The following AGMO variants were observed in gnomAD, a reference collection of about 807,000 sequenced individuals.
AGMO encodes the protein alkylglycerol monooxygenase.
In AGMO, 75 loss-of-function variants were observed where a neutral mutation model predicts 60.2. That is an observed-to-expected ratio of 1.25 (90% CI 1.03 to 1.51). AGMO has a LOEUF of 1.51. Ranked by LOEUF, AGMO falls within the 40% of genes most tolerant of loss-of-function variation. The pLI, the probability that AGMO is intolerant of heterozygous loss-of-function variation, is 0.00. For synonymous variants in AGMO, 261 were observed against 177.1 expected (o/e 1.47, Z -3.76); for missense variants, 763 against 525.5 (o/e 1.45, Z -4.42).
intron 12 of AGMO, among the ~76,000 whole-genome samples, chr7:15,224,065 A>G (rs1441757446): frequency 1.3e-5 from 2 of 152,090 alleles, no homozygotes; most frequent in African/African-American, 4.8e-5. Context: ...GGTAAAAAGA[A>G]TAAAGAGAGA....
chr7:15,183,553 A>G, the AGMO span, among the ~76,000 whole-genome samples: 20 of 152,166 alleles, frequency 1.3e-4, no homozygotes, highest in Non-Finnish European at 2.9e-5. Context: ...CAGTAATCTA[A>G]GATTCTAGAG....
intron 12 of AGMO, among the ~76,000 whole-genome samples, chr7:15,276,949 G>A (rs1783814287): frequency 6.8e-6 from 1 of 146,264 alleles, no homozygotes; most frequent in Non-Finnish European, 1.5e-5. Flanking sequence ...TGCCTTTCTG[G>A]TTTCTTTGTG....
chr7:15,179,432 G>C, the AGMO span, among the ~76,000 whole-genome samples: 1 of 152,130 alleles, frequency 6.6e-6, no homozygotes, highest in Non-Finnish European at 1.5e-5. Flanking sequence ...AGCTATGCAA[G>C]AAGAAAGGGA....
At chr7:15,254,312 A>G (rs944446908) in intron 12 of AGMO, among the ~76,000 whole-genome samples, 8 of 152,162 alleles carry the variant, frequency 5.3e-5, no homozygotes, top group Non-Finnish European at 1.2e-4. Context: ...GAACTTCTAT[A>G]CATTTTTTCA....
intron 12 of AGMO, among the ~76,000 whole-genome samples, chr7:15,345,903 G>T (rs753200433): frequency 6.6e-6 from 1 of 151,994 alleles, no homozygotes; most frequent in Non-Finnish European, 1.5e-5. Context: ...GAGTATGTGA[G>T]TAATGGCTGG....
chr7:15,423,702 T>C (rs909943377), intron 4 of AGMO, among the ~76,000 whole-genome samples: 11 of 88,540 alleles, frequency 1.2e-4, no homozygotes, highest in Admixed American at 1.1e-3. Context: ...GAGATAGACA[T>C]GCACACAGCG....
chr7:15,141,124 A>C, the AGMO span, among the ~76,000 whole-genome samples: 1 of 152,154 alleles, frequency 6.6e-6, no homozygotes, highest in Non-Finnish European at 1.5e-5. Flanking sequence ...TAGTCCAGTC[A>C]CCTGATCCTA....
At chr7:15,270,057 T>C (rs1023182337) in intron 12 of AGMO, among the ~76,000 whole-genome samples, 1 of 152,104 alleles carries the variant, frequency 6.6e-6, no homozygotes, top group Non-Finnish European at 1.5e-5. Flanking sequence ...GTGTAACTAA[T>C]GCCGCAAAAA....
chr7:15,238,916 C>T (rs1157667583), intron 12 of AGMO, among the ~76,000 whole-genome samples: 8 of 152,086 alleles, frequency 5.3e-5, no homozygotes, highest in African/African-American at 9.7e-5. Context: ...CAGGCGCAGG[C>T]GCTATTTAAA....
chr7:15,445,222 T>C (rs1305529517), intron 3 of AGMO, among the ~76,000 whole-genome samples: 1 of 152,172 alleles, frequency 6.6e-6, no homozygotes, highest in African/African-American at 2.4e-5. Flanking sequence ...TAACAAGGAA[T>C]AACATCAGTA....
chr7:15,260,482 T>C (rs998894863), intron 12 of AGMO, among the ~76,000 whole-genome samples: 5 of 152,028 alleles, frequency 3.3e-5, no homozygotes, highest in Non-Finnish European at 7.4e-5. Context: ...TCTAAATATA[T>C]ATGCACTTAA....
the AGMO span, among the ~76,000 whole-genome samples, chr7:15,170,526 T>G: frequency 6.6e-6 from 1 of 152,176 alleles, no homozygotes; most frequent in African/African-American, 2.4e-5. Context: ...ATATGCACTT[T>G]CCACTAACCA....
intron 12 of AGMO, among the ~76,000 whole-genome samples, chr7:15,274,968 AT>A (rs915283363): frequency 1.1e-4 from 17 of 150,198 alleles, no homozygotes; most frequent in East Asian, 2.0e-4. Context: ...TGGCCTATCG[AT>A]TTTTTTTTAT....
the AGMO span, among the ~76,000 whole-genome samples, chr7:15,192,954 ATAAT>A: frequency 1.6e-4 from 24 of 152,218 alleles, no homozygotes; most frequent in African/African-American, 5.1e-4. Flanking sequence ...CATAAACAGA[ATAAT>A]TATTCTTAAT....
chr7:15,203,140 C>A (rs891112354), intron 12 of AGMO, among the ~76,000 whole-genome samples: 4 of 152,046 alleles, frequency 2.6e-5, no homozygotes, highest in African/African-American at 9.7e-5. Flanking sequence ...TTCAGTGAAA[C>A]CTCATAAGTT....
chr7:15,346,023 C>G (rs553266406), intron 12 of AGMO, among the ~76,000 whole-genome samples: 108 of 152,104 alleles, frequency 7.1e-4, no homozygotes, highest in African/African-American at 2.5e-3. Flanking sequence ...GAACATTTTC[C>G]TTTTAAAGCA....
the AGMO span, among the ~76,000 whole-genome samples, chr7:15,144,818 TTTTG>T: frequency 8.5e-5 from 13 of 152,122 alleles, no homozygotes; most frequent in African/African-American, 1.4e-4. Context: ...TAACTTTTCT[TTTTG>T]TTTGTTTGTT....
intron 12 of AGMO, among the ~76,000 whole-genome samples, chr7:15,353,309 G>C (rs1051313362): frequency 6.6e-6 from 1 of 152,166 alleles, no homozygotes; most frequent in African/African-American, 2.4e-5. Context: ...CCTTGGTGAA[G>C]AACAAGCCAT....
At chr7:15,234,942 CTACTTT>C (rs1782373023) in intron 12 of AGMO, among the ~76,000 whole-genome samples, 2 of 152,218 alleles carry the variant, frequency 1.3e-5, no homozygotes, top group South Asian at 4.1e-4. Flanking sequence ...TGGTCTCTCC[CTACTTT>C]TTCCGTTTTA....
Sources: allele counts gnomAD v4.1 joint callset (sites outside exome capture counted in the v4.1 genomes callset), GRCh38; gene constraint gnomAD v4.1.1; transcripts MANE v1.5; gene names NCBI Gene and HGNC (gene_info 2026-07-23, HGNC 2026-07-21).